RABGGTB: variants seen among roughly 807,000 people sequenced by gnomAD.
RABGGTB encodes geranylgeranyl transferase type-2 subunit beta.
In RABGGTB, 20 loss-of-function variants were observed where a neutral mutation model predicts 44.5. The ratio of observed to expected loss-of-function variants is 0.45; its 90% confidence interval spans 0.32 to 0.65. RABGGTB has a LOEUF of 0.65. Among genes scored for constraint, RABGGTB ranks in the 30% least tolerant of loss-of-function variants. The probability of loss-of-function intolerance (pLI) is 0.05; values close to 1 mark genes in which losing one functional copy is unlikely to be tolerated. For missense variants in RABGGTB, 302 were observed against 398.7 expected (o/e 0.76, Z 2.06); for synonymous variants, 128 against 136.7 (o/e 0.94, Z 0.44).
Position 75,794,524 on chromosome 1 carries a change from T to C in RABGGTB, c.870T>C (p.His290=), listed in dbSNP as rs11548707. 1 of 1,611,504 alleles carries C rather than the reference T, an allele frequency of 6.2e-7. No homozygotes were observed. Among genetic ancestry groups the C allele is most frequent in the Non-Finnish European group, 8.5e-7 (1 of 1,178,510 alleles). The part of the protein sequence containing the change: ...DRPGDMVDPF[H]TLFGIAGLSL... The stretch of plus-strand genomic sequence containing the variant: ...TTTTTAAATAGGTGGATCCTTTTCA[T>C]ACCTTATTTGGAATTGCTGGATTGT... Residue 290 remains histidine (H), a synonymous_variant, in exon 9 of 9, where the codon CAT becomes CAC. Coordinates refer to ENST00000319942, the MANE Select transcript of RABGGTB (RefSeq NM_004582.4).
chr1:75,786,522 A>G (rs370917138), intron 1 of RABGGTB, among the ~76,000 whole-genome samples: 4 of 150,754 alleles, frequency 2.7e-5, no homozygotes, highest in African/African-American at 9.7e-5. Context: ...GAGCAGCCCG[A>G]TTTCTGAACC....
At chr1:75,789,405 T>C in intron 3 of RABGGTB, 49 bp downstream of exon 3, 2 of 1,563,906 alleles carry the variant, frequency 1.3e-6, no homozygotes, top group Non-Finnish European at 1.8e-6. Flanking sequence ...GTTCTCTTAC[T>C]TCAGAGTTGG....
Position 75,787,525 on chromosome 1 carries a change from A to T in RABGGTB, c.32A>T (p.Lys11Met). 1.2e-6 allele frequency: 2 copies of T among 1,614,036 alleles called. No homozygotes were observed. Among genetic ancestry groups the T allele is most frequent in the Non-Finnish European group, 1.7e-6 (2 of 1,179,882 alleles). The change falls in exon 2 of 9, where the codon AAG becomes ATG. Residue 11 changes from lysine to methionine, a missense_variant. Around this residue, in one of 2 missense-constraint regions of RABGGTB, gnomAD observed 89 missense variants for 75.0 expected, o/e 1.19. Coordinates refer to ENST00000319942, the MANE Select transcript of RABGGTB (RefSeq NM_004582.4). The part of the protein sequence containing the change: MGTPQKDVII[K>M]SDAPDTLLLE... ...ACTCCACAGAAGGATGTTATTATCA[A>T]GTCAGATGCACCGGACACTTTGTTA...
At chr1:75,786,351 C>T (rs1219438628) in intron 1 of RABGGTB, 77 bp downstream of exon 1, 2 of 1,576,716 alleles carry the variant, frequency 1.3e-6, no homozygotes, top group African/African-American at 2.7e-5. Context: ...ACACTGGTCA[C>T]CTTAGGATTG....
At position 75,791,448 on chromosome 1, in the gene RABGGTB, T is replaced by A. The variant is rs1649644032; in HGVS notation, c.469-13T>A. On this transcript the variant is annotated splice_polypyrimidine_tract_variant and intron_variant, in intron 5 of 8. Transcript: ENST00000319942. ...CTCTGGAATTTAACAGGCATCTTTT[T>A]TTTTGTTTGTAGGGGAAGCTTGATG... 6 of 1,602,188 alleles carry A rather than the reference T, an allele frequency of 3.7e-6. No individual in the cohort carries two copies. Among genetic ancestry groups the A allele is most frequent in the Non-Finnish European group, 5.1e-6 (6 of 1,174,808 alleles).
intron 2 of RABGGTB, 175 bp downstream of exon 2, chr1:75,787,779 A>G: frequency 1.5e-6 from 1 of 665,584 alleles, no homozygotes; most frequent in Non-Finnish European, 2.7e-6. Flanking sequence ...CTGTGGGCTT[A>G]TTAGAATCTC....
At chr1:75,786,578 G>T (rs1649491701) in intron 1 of RABGGTB, 2 of 400,906 alleles carry the variant, frequency 5.0e-6, no homozygotes, top group Admixed American at 4.2e-5. Flanking sequence ...TTTTCTTGGA[G>T]AGGGGGTGTC....
intron 8 of RABGGTB, 38 bp from the exon 9 acceptor site, chr1:75,794,472 T>C: frequency 6.4e-7 from 1 of 1,568,700 alleles, no homozygotes; most frequent in Non-Finnish European, 8.7e-7. Flanking sequence ...AAAGAAGTTT[T>C]CATTTTGTGA....
intron 1 of RABGGTB, chr1:75,786,930 A>C (rs377431252): frequency 5.3e-5 from 19 of 357,700 alleles, no homozygotes; most frequent in East Asian, 3.6e-4. Context: ...AGATTTTTTT[A>C]TTTTTTAAAA....
At chr1:75,794,449 A>G in intron 8 of RABGGTB, 61 bp from the exon 9 acceptor site, 3 of 1,516,982 alleles carry the variant, frequency 2.0e-6, no homozygotes, top group East Asian at 4.5e-5. Flanking sequence ...TCAGGTATTC[A>G]TAATTTGAAG....
chr1:75,790,875 T>G (rs1440338183), intron 4 of RABGGTB, among the ~76,000 whole-genome samples: 1 of 152,184 alleles, frequency 6.6e-6, no homozygotes, highest in Non-Finnish European at 1.5e-5. Flanking sequence ...TCCCCTGGCC[T>G]CATGTGATCC....
At chr1:75,787,434 G>T (rs1649522672) in intron 1 of RABGGTB, 63 bp from the exon 2 acceptor site, 5 of 1,196,548 alleles carry the variant, frequency 4.2e-6, no homozygotes, top group Non-Finnish European at 6.2e-6. Context: ...TTGAATCTAT[G>T]CTGTGGGGCA....
intron 7 of RABGGTB, chr1:75,793,516 T>G (rs1348903730): frequency 6.6e-6 from 1 of 152,300 alleles, no homozygotes; most frequent in African/African-American, 2.4e-5. Flanking sequence ...GAAAAATGGG[T>G]GGCCGTGGGG....
chr1:75,789,028 A>G, intron 2 of RABGGTB, 131 bp from the exon 3 acceptor site: 2 of 709,244 alleles, frequency 2.8e-6, no homozygotes, highest in South Asian at 1.8e-5. Flanking sequence ...TAAACTCACT[A>G]CTGATCAGTG....
At chr1:75,790,950 AT>A (rs1047999671) in intron 4 of RABGGTB, among the ~76,000 whole-genome samples, 1 of 151,734 alleles carries the variant, frequency 6.6e-6, no homozygotes, top group Non-Finnish European at 1.5e-5. Context: ...GCCCCACCTA[AT>A]TTTTTTTAAA....
chr1:75,789,164 C>T lies in RABGGTB; in HGVS notation c.117C>T (p.Tyr39=). The change falls in exon 3 of 9, where the codon TAC becomes TAT. Residue 39 remains tyrosine (Y), a synonymous_variant. Transcript: ENST00000319942. ...GAAATTGTGTATTATTTTAGGAATACTGTATGTCTGAGTATTTGAGAATGA... is the reference window on the plus strand; with the variant it reads ...GAAATTGTGTATTATTTTAGGAATATTGTATGTCTGAGTATTTGAGAATGA... The part of the protein sequence containing the change: ...SYGSKKDDYE[Y]CMSEYLRMSG... 3 of 1,613,032 alleles carry T rather than the reference C, an allele frequency of 1.9e-6. No individual in the cohort carries two copies. The highest frequency in any genetic ancestry group is 2.5e-6 in the Non-Finnish European group (3 of 1,179,106).
chr1:75,787,753 C>G (rs1430787345), intron 2 of RABGGTB, 149 bp downstream of exon 2: 1 of 689,912 alleles, frequency 1.4e-6, no homozygotes, highest in African/African-American at 1.8e-5. Context: ...GTTAAGTGTG[C>G]TTTGGACGTC....
At chr1:75,790,426 G>A (rs1183862708) in intron 4 of RABGGTB, 6 of 1,116,598 alleles carry the variant, frequency 5.4e-6, no homozygotes, top group South Asian at 8.2e-5. Context: ...TTTGATAAAC[G>A]TAGATAATCT....
intron 1 of RABGGTB, chr1:75,786,569 T>A (rs1273426757): frequency 9.6e-6 from 4 of 414,662 alleles, no homozygotes; most frequent in Non-Finnish European, 1.7e-5. Flanking sequence ...GGCTTTTTTT[T>A]TTCTTGGAGA....
Sources: gnomAD v4.1 joint callset for allele counts (sites outside exome capture counted in the v4.1 genomes callset) on GRCh38, gnomAD v4.1.1 for gene constraint, gnomAD v4.1.1 regional missense constraint, MANE v1.5 for transcripts, NCBI Gene and HGNC (gene_info 2026-07-23, HGNC 2026-07-21) for gene names.